DPY19L1: variants seen among roughly 807,000 people sequenced by gnomAD.
DPY19L1 encodes the protein protein C-mannosyl-transferase DPY19L1.
DPY19L1 carries 35 observed loss-of-function variants against 96.9 expected under a neutral mutation model. The ratio of observed to expected loss-of-function variants is 0.36; its 90% CI spans 0.28 to 0.48. The LOEUF (loss-of-function observed/expected upper bound fraction) is 0.48. DPY19L1 is among the 20% of genes least tolerant of loss of function. The pLI, the probability that DPY19L1 is intolerant of heterozygous loss-of-function variation, is 0.99. For synonymous variants in DPY19L1, 205 were observed against 252.6 expected (o/e 0.81, Z 1.79); for missense variants, 521 against 777.9 (o/e 0.67, Z 3.93).
intron 21 of DPY19L1, among the ~76,000 whole-genome samples, chr7:34,935,969 G>A (rs1783859874): frequency 6.6e-6 from 1 of 152,124 alleles, no homozygotes; most frequent in Admixed American, 6.5e-5. Context: ...CTTAGATCTT[G>A]TACTAGATGG....
intron 11 of DPY19L1, among the ~76,000 whole-genome samples, chr7:34,956,431 T>C (rs1784380191): frequency 1.3e-5 from 2 of 152,136 alleles, no homozygotes; most frequent in South Asian, 4.1e-4. Context: ...CTAATTTCTG[T>C]AGCTAAGTAT....
chr7:34,954,809 T>C (rs1403022610), intron 12 of DPY19L1, 31 bp from the exon 13 acceptor site: 1 of 1,215,236 alleles, frequency 8.2e-7, no homozygotes, highest in Non-Finnish European at 1.2e-6. Flanking sequence ...ATAACTTTGA[T>C]GCTTCATATT....
chr7:34,984,869 T>C (rs1012253812), intron 7 of DPY19L1, among the ~76,000 whole-genome samples: 10 of 152,328 alleles, frequency 6.6e-5, no homozygotes, highest in African/African-American at 2.2e-4. Flanking sequence ...TATCACTTTC[T>C]GCTCATCCTT....
Position 34,931,211 on chromosome 7 carries a change from A to C in DPY19L1, c.*362T>G, listed in dbSNP as rs1429017818. On this transcript the variant is annotated 3_prime_UTR_variant, in exon 22 of 22. Transcript: ENST00000638088. The stretch of plus-strand genomic sequence containing the variant: ...AGCAAGGGGCATTAATAGTTCTTAC[A>C]CTATAAAATCAGCCCCTACATTGTC... 1 of 159,700 alleles carries C rather than the reference A, an allele frequency of 6.3e-6. No homozygotes were observed. Among genetic ancestry groups the C allele is most frequent in the Admixed American group, 6.4e-5 (1 of 15,622 alleles). 9.9% of individuals were successfully genotyped at this position (159,700 alleles called of 1,614,324 possible).
intron 16 of DPY19L1, among the ~76,000 whole-genome samples, chr7:34,943,997 A>G (rs182707567): frequency 3.6e-4 from 55 of 152,350 alleles, no homozygotes; most frequent in Admixed American, 3.2e-3. Flanking sequence ...GAGTATGTGC[A>G]ATAATTTATC....
chr7:34,956,295 A>G (rs1212207010), intron 11 of DPY19L1, among the ~76,000 whole-genome samples: 2 of 150,988 alleles, frequency 1.3e-5, no homozygotes, highest in African/African-American at 4.9e-5. Context: ...AAAATATACA[A>G]CTGAGTACTT....
intron 7 of DPY19L1, among the ~76,000 whole-genome samples, chr7:34,986,615 T>C (rs1177203579): frequency 6.6e-6 from 1 of 152,036 alleles, no homozygotes; most frequent in Non-Finnish European, 1.5e-5. Flanking sequence ...AGAATTCTTT[T>C]CCAAATCTTA....
chr7:34,980,010 T>C (rs190264283), intron 7 of DPY19L1, among the ~76,000 whole-genome samples: 2 of 152,200 alleles, frequency 1.3e-5, no homozygotes, highest in African/African-American at 2.4e-5. Context: ...ATATTGAACT[T>C]ATAAAGCTAC....
chr7:34,951,287 A>T (rs1304514856), intron 13 of DPY19L1, among the ~76,000 whole-genome samples: 1 of 152,084 alleles, frequency 6.6e-6, no homozygotes, highest in Non-Finnish European at 1.5e-5. Flanking sequence ...AGGTGAATAC[A>T]ATCAATTAGC....
intron 15 of DPY19L1, among the ~76,000 whole-genome samples, 199 bp from the exon 16 acceptor site, chr7:34,945,915 T>C (rs992971115): frequency 3.9e-5 from 6 of 152,238 alleles, no homozygotes; most frequent in Non-Finnish European, 8.8e-5. Flanking sequence ...CCCTGTTGGG[T>C]AGATTATATC....
At chr7:35,037,999 C>G (rs1178865455), upstream of DPY19L1, 13 of 1,006,418 alleles carry the variant, frequency 1.3e-5, no homozygotes, top group Non-Finnish European at 1.6e-5. Flanking sequence ...GCAGGCGAGA[C>G]GCGGCGGGGC....
At chr7:34,951,079 T>C (rs1324968381) in intron 13 of DPY19L1, among the ~76,000 whole-genome samples, 1 of 152,082 alleles carries the variant, frequency 6.6e-6, no homozygotes, top group Non-Finnish European at 1.5e-5. Flanking sequence ...AGACAATAAA[T>C]ATTATATGCT....
intron 6 of DPY19L1, among the ~76,000 whole-genome samples, chr7:34,990,740 G>A (rs992198311): frequency 6.6e-6 from 1 of 152,176 alleles, no homozygotes; most frequent in East Asian, 1.9e-4. Context: ...ATTTCATCAT[G>A]TTCTGCATTT....
intron 3 of DPY19L1, among the ~76,000 whole-genome samples, chr7:35,014,707 C>T (rs1785801012): frequency 6.6e-6 from 1 of 152,026 alleles, no homozygotes. Flanking sequence ...GATAGTGTCC[C>T]CTAAAATTTC....
At chr7:34,932,663 T>C (rs2128779307) in intron 21 of DPY19L1, among the ~76,000 whole-genome samples, 1 of 152,296 alleles carries the variant, frequency 6.6e-6, no homozygotes, top group South Asian at 2.1e-4. Context: ...AAGCAACATA[T>C]CTTTATAAAT....
rs182826674 is a variant in DPY19L1, at chr7:34,985,649, C to T, written c.822+4235G>A. The stretch of plus-strand genomic sequence containing the variant: ...GAGAAACCTACACCTGTTAGAAAGG[C>T]TATTATCAAAAAAGACAAATGATAA... On this transcript the variant is annotated intron_variant, in intron 7 of 21. Transcript: ENST00000638088. Among the ~76,000 whole-genome samples, 7 of 151,974 alleles carry T rather than the reference C, an allele frequency of 4.6e-5. No individual in the cohort carries two copies. The East Asian group carries it at 5.8e-4, about 13-fold the overall frequency.
At chr7:35,009,176 A>G (rs925365205) in intron 6 of DPY19L1, among the ~76,000 whole-genome samples, 1 of 152,222 alleles carries the variant, frequency 6.6e-6, no homozygotes, top group Non-Finnish European at 1.5e-5. Context: ...AGTAACTGCT[A>G]GATACTCAAA....
At chr7:35,037,825 G>A (rs1342435756), upstream of DPY19L1, 4 of 1,229,054 alleles carry the variant, frequency 3.3e-6, no homozygotes, top group Middle Eastern at 3.1e-4. Flanking sequence ...CACCTCTTCG[G>A]CGCCCGCGCG....
intron 6 of DPY19L1, among the ~76,000 whole-genome samples, chr7:35,004,868 T>C (rs1322758853): frequency 6.6e-6 from 1 of 152,140 alleles, no homozygotes; most frequent in Admixed American, 6.5e-5. Flanking sequence ...CAGCTGTCAG[T>C]CAATAATGAG....
Sources: allele counts gnomAD v4.1 joint callset (sites outside exome capture counted in the v4.1 genomes callset), GRCh38; gene constraint gnomAD v4.1.1; transcripts MANE v1.5; gene names NCBI Gene and HGNC (gene_info 2026-07-23, HGNC 2026-07-21).